The following ANKRD53 variants were observed in gnomAD, a reference collection of about 807,000 sequenced individuals.
ANKRD53 encodes ankyrin repeat domain-containing protein 53.
ANKRD53 carries 27 observed loss-of-function variants against 30.1 expected under a neutral mutation model. The observed-to-expected ratio is 0.90, with a 90% confidence interval of 0.66 to 1.24. The LOEUF (loss-of-function observed/expected upper bound fraction) is 1.24. Among genes scored for constraint, ANKRD53 ranks in the 50% most tolerant of loss-of-function variants. ANKRD53 has a pLI of 0.00. For synonymous variants in ANKRD53, 286 were observed against 295.4 expected, an observed-to-expected ratio of 0.97 and a Z score of 0.33; for missense variants, 682 against 721.0, an observed-to-expected ratio of 0.95 and a Z score of 0.62.
chr2:70,979,800 ACAC>A lies in ANKRD53; in HGVS notation c.562_564del (p.Thr188del). 1 of 1,614,132 alleles carries A rather than the reference ACAC, an allele frequency of 6.2e-7. No homozygotes were observed. The highest frequency in any genetic ancestry group is 1.3e-5 in the African/African-American group (1 of 75,078). On this transcript the variant is annotated inframe_deletion, in exon 3 of 6. Coordinates refer to ENST00000360589, the MANE Select transcript of ANKRD53 (RefSeq NM_001115116.2). ...CTGCACCTCGTCATCCACAGGGACA[ACAC>A]CACCGTGGCCCTCCCCTGCATCTAC...
Position 70,978,693 on chromosome 2 carries a change from G to A in ANKRD53, c.48G>A (p.Trp16Ter). The A allele has an allele frequency of 3.9e-6, 6 of 1,545,264 alleles. No homozygotes were observed. Among genetic ancestry groups the A allele is most frequent in the Non-Finnish European group, 5.2e-6 (6 of 1,145,480 alleles). ...CTCGGCGGGCGGGCTCCGGAAGCTG[G>A]CACTCAGAAAGGGGAGAAGGGAGAG... ...STARRAGSGS[W>*]HSERGEGRGA... Residue 16 changes from tryptophan (W) to a stop codon, truncating the protein, a stop_gained, in exon 1 of 6, where the codon TGG (tryptophan) becomes TGA (stop). Coordinates refer to ENST00000360589, the MANE Select transcript of ANKRD53 (RefSeq NM_001115116.2). LOFTEE classifies it high-confidence loss of function. This position sits in a 1 kb window ranked among gnomAD's most constrained non-coding sequence, Gnocchi z 4.3.
chr2:70,978,619 G>A, upstream of ANKRD53: 2 of 1,506,562 alleles, frequency 1.3e-6, no homozygotes, highest in Non-Finnish European at 1.8e-6. The surrounding 1 kb of genome is among the most constrained non-coding windows in gnomAD (Gnocchi z 4.3). Flanking sequence ...TAGCCCGCCC[G>A]GCCCGGGTCC....
chr2:70,979,036 G>T (rs1669915329), intron 1 of ANKRD53, 61 bp from the exon 2 acceptor site: 2 of 1,482,346 alleles, frequency 1.3e-6, no homozygotes, highest in Admixed American at 4.7e-5. Flanking sequence ...GCCAGGGATC[G>T]CCTCCCGAGA....
Position 70,979,352 on chromosome 2 carries a change from T to G in ANKRD53, c.417+9T>G. 2 of 1,613,344 alleles carry G rather than the reference T, an allele frequency of 1.2e-6. No individual in the cohort carries two copies. Among genetic ancestry groups the G allele is most frequent in the Non-Finnish European group, 1.7e-6 (2 of 1,179,918 alleles). ...TCCCCACCGACGACAAGGTAAGGTC[T>G]TGAGTGTTGGGGCAAAGACCGAGGT... On this transcript the variant is annotated intron_variant, in intron 2 of 5. Transcript: ENST00000360589.
Position 70,985,279 on chromosome 2 carries a change from C to A in ANKRD53, c.1572C>A (p.Pro524=), listed in dbSNP as rs1553424675. 1 of 1,549,272 alleles carries A rather than the reference C, an allele frequency of 6.5e-7. No homozygotes were observed. The change falls in exon 6 of 6, where the codon CCC becomes CCA. Residue 524 remains proline, a synonymous_variant. Coordinates refer to ENST00000360589, the MANE Select transcript of ANKRD53 (RefSeq NM_001115116.2). ...VRSHQGLPTL[P]SPQTNP ...CTCATCAAGGACTCCCCACCCTGCC[C>A]TCCCCACAAACCAACCCATAAAGTT...
rs782484185 is a variant in ANKRD53 at position 70,982,686 on chromosome 2, A to C, written c.892A>C (p.Ile298Leu). ...GACCCTCATGGAGCACAACTACCTG[A>C]TTGAGTATCAAGTAAGGGGGACAGC... ...QLTLMEHNYLIEYQKEHKILR... is the reference protein window; with the variant it reads ...QLTLMEHNYLLEYQKEHKILR... The change falls in exon 5 of 6, where the codon ATT becomes CTT. Residue 298 changes from isoleucine to leucine, a missense_variant. Transcript: ENST00000360589. The surrounding 1 kb of genome is among the most constrained non-coding windows in gnomAD (Gnocchi z 4.2). The C allele has an allele frequency of 6.2e-7, 1 of 1,613,974 alleles. No individual in the cohort carries two copies. The highest frequency in any genetic ancestry group is 8.5e-7 in the Non-Finnish European group (1 of 1,179,952).
At chr2:70,978,602 G>A (rs1455613779), upstream of ANKRD53, 3 of 1,470,384 alleles carry the variant, frequency 2.0e-6, no homozygotes, top group African/African-American at 3.0e-5. The surrounding 1 kb of genome is among the most constrained non-coding windows in gnomAD (Gnocchi z 4.3). Context: ...GCCGGCGGGT[G>A]TGTGAGTAGC....
intron 3 of ANKRD53, 108 bp downstream of exon 3, chr2:70,979,968 G>C (rs1669957297): frequency 7.6e-7 from 1 of 1,309,642 alleles, no homozygotes; most frequent in Non-Finnish European, 1.1e-6. Flanking sequence ...TGCTGGAGGT[G>C]ACAAGGATTG....
intron 3 of ANKRD53, among the ~76,000 whole-genome samples, chr2:70,980,382 T>C (rs1195713819): frequency 6.6e-6 from 1 of 151,372 alleles, no homozygotes; most frequent in South Asian, 2.1e-4. Flanking sequence ...GCTCTGCAAC[T>C]TGCTAGCAGA....
chr2:70,985,229 G>A lies in ANKRD53; in HGVS notation c.1522G>A (p.Glu508Lys), dbSNP rs544056308. 6.4e-7 allele frequency: 1 copy of A among 1,551,446 alleles called. No homozygotes were observed. Among genetic ancestry groups the A allele is most frequent in the African/African-American group, 1.4e-5 (1 of 73,170 alleles). The change falls in exon 6 of 6, where the codon GAA (glutamate) becomes AAA (lysine). Residue 508 changes from glutamate to lysine, a missense_variant. By Grantham distance (56) the Glu-to-Lys change is moderately conservative. Transcript: ENST00000360589. ...LAMNLRDTFD[E>K]AFLAAVRSHQ... Reference sequence around the variant, plus strand: ...CATGAACCTGCGTGACACATTCGATGAAGCCTTCCTGGCAGCTGTGCGATC... The same window carrying A: ...CATGAACCTGCGTGACACATTCGATAAAGCCTTCCTGGCAGCTGTGCGATC...
At chr2:70,979,560 CAG>C in intron 2 of ANKRD53, 99 bp from the exon 3 acceptor site, 1 of 1,426,688 alleles carries the variant, frequency 7.0e-7, no homozygotes, top group Non-Finnish European at 9.5e-7. Context: ...CCTGGGGACA[CAG>C]GGAAGAAAGT....
At position 70,982,034 on chromosome 2, in the gene ANKRD53, C is replaced by T. The variant is rs782371397; in HGVS notation, c.716C>T (p.Ala239Val). Residue 239 changes from alanine (A) to valine (V), a missense_variant, in exon 4 of 6, where the codon GCC becomes GTC. Physicochemically the swap from Ala to Val is moderately conservative, Grantham distance 64 (BLOSUM62 0). Transcript: ENST00000360589. The surrounding 1 kb of genome is among the most constrained non-coding windows in gnomAD (Gnocchi z 4.2). The part of the protein sequence containing the change: ...VLVQSGANVH[A>V]QDAMGYKPID... ...GTGCAGAGTGGCGCCAACGTCCATG[C>T]CCAAGATGCCATGGGCTACAAACCC... 6.2e-7 allele frequency: 1 copy of T among 1,613,758 alleles called. No homozygotes were observed. The highest frequency in any genetic ancestry group is 1.7e-5 in the Admixed American group (1 of 59,964).
Position 70,982,687 on chromosome 2 carries a change from TTGAG to T in ANKRD53, c.895_898del (p.Glu299IlefsTer127), listed in dbSNP as rs1553423856. 8 of 1,613,804 alleles carry T rather than the reference TTGAG, an allele frequency of 5.0e-6. No individual in the cohort carries two copies. The highest frequency in any genetic ancestry group is 4.5e-5 in the East Asian group (2 of 44,862). On this transcript the variant is annotated frameshift_variant, in exon 5 of 6. Transcript: ENST00000360589. LOFTEE classifies it low-confidence loss of function (END_TRUNC). The surrounding 1 kb of genome is among the most constrained non-coding windows in gnomAD (Gnocchi z 4.2). ...ACCCTCATGGAGCACAACTACCTGA[TTGAG>T]TATCAAGTAAGGGGGACAGCAGGGG...
At chr2:70,980,172 G>A (rs1171782407) in intron 3 of ANKRD53, among the ~76,000 whole-genome samples, 3 of 152,224 alleles carry the variant, frequency 2.0e-5, no homozygotes, top group African/African-American at 7.2e-5. Flanking sequence ...AAAATTAGCA[G>A]GGCATGGTGG....
At chr2:70,978,582 G>C, upstream of ANKRD53, 1 of 1,419,346 alleles carries the variant, frequency 7.0e-7, no homozygotes. The surrounding 1 kb of genome is among the most constrained non-coding windows in gnomAD (Gnocchi z 4.3). Flanking sequence ...GTGGCCCCCG[G>C]GGGCGGGGCG....
In ANKRD53 at chr2:70,979,123, A is replaced by T. The variant is rs1669918615; in HGVS notation, c.197A>T (p.His66Leu). The T allele has an allele frequency of 6.2e-7, 1 of 1,600,506 alleles. No homozygotes were observed. Among genetic ancestry groups the T allele is most frequent in the Non-Finnish European group, 8.5e-7 (1 of 1,175,504 alleles). The change falls in exon 2 of 6, where the codon CAC (histidine) becomes CTC (leucine). Residue 66 changes from histidine to leucine, a missense_variant. By Grantham distance (99) the His-to-Leu change is moderately conservative. Coordinates refer to ENST00000360589, the MANE Select transcript of ANKRD53 (RefSeq NM_001115116.2). ...CAGCCCCTGCCCGACCTCGCAGACC[A>T]CCTCAGTGCGCAGGCGACTGCCCTC... ...PSQPLPDLAD[H>L]LSAQATALAR...
rs995832885 is a variant in ANKRD53, at chr2:70,978,827, G to T, written c.170+12G>T. The T allele has an allele frequency of 2.6e-6, 4 of 1,555,350 alleles. No homozygotes were observed. The highest frequency in any genetic ancestry group is 3.5e-6 in the Non-Finnish European group (4 of 1,150,946). On this transcript the variant is annotated intron_variant, in intron 1 of 5. Transcript: ENST00000360589. The surrounding 1 kb of genome is among the most constrained non-coding windows in gnomAD (Gnocchi z 4.3). ...TCCAAGCAGCCCAGGTGGGTAGCGG[G>T]AGAAGGTGTCCCGGCTGCAGGGAGC...
chr2:70,982,293 C>T lies in ANKRD53; in HGVS notation c.782+193C>T. The T allele has an allele frequency of 3.9e-6, 3 of 770,998 alleles. No individual in the cohort carries two copies. The highest frequency in any genetic ancestry group is 6.0e-6 in the Non-Finnish European group (3 of 498,230). The allele number at this position is 770,998 out of a possible 1,614,324, so 47.8% of individuals were successfully genotyped here. ...ACCTGGGCTTGGGGGTAAGTCTGCCCAGGTCCCCTGCTCTCTGGGTTGATC... is the reference window on the plus strand; with the variant it reads ...ACCTGGGCTTGGGGGTAAGTCTGCCTAGGTCCCCTGCTCTCTGGGTTGATC... On this transcript the variant is annotated intron_variant, in intron 4 of 5. Coordinates refer to ENST00000360589, the MANE Select transcript of ANKRD53 (RefSeq NM_001115116.2). This position sits in a 1 kb window ranked among gnomAD's most constrained non-coding sequence, Gnocchi z 4.2.
chr2:70,978,995 CCCCACTGCCCCG>C lies in ANKRD53; in HGVS notation c.171-96_171-85del. 1 of 1,455,442 alleles carries C rather than the reference CCCCACTGCCCCG, an allele frequency of 6.9e-7. No homozygotes were observed. The highest frequency in any genetic ancestry group is 9.0e-7 in the Non-Finnish European group (1 of 1,107,786). 90.2% of individuals were successfully genotyped at this position (1,455,442 alleles called of 1,614,324 possible). A position where few individuals can be genotyped will look rare whatever the true frequency, so the allele number is the denominator to read the frequency against. ...CCTAGGCCGTGGCCCAGAGTCGCTTCCCCACTGCCCCGCCCACCAGCCAGGCGGGGGCCAGGG... is the reference window on the plus strand; with the variant it reads ...CCTAGGCCGTGGCCCAGAGTCGCTTCCCCACCAGCCAGGCGGGGGCCAGGG... On this transcript the variant is annotated intron_variant, in intron 1 of 5. Coordinates refer to ENST00000360589, the MANE Select transcript of ANKRD53 (RefSeq NM_001115116.2). The surrounding 1 kb of genome is among the most constrained non-coding windows in gnomAD (Gnocchi z 4.3).
Sources: gnomAD v4.1 joint callset for allele counts (sites outside exome capture counted in the v4.1 genomes callset) on GRCh38, gnomAD v4.1.1 for gene constraint, Gnocchi (gnomAD v3.1) non-coding constraint, MANE v1.5 for transcripts, NCBI Gene and HGNC (gene_info 2026-07-23, HGNC 2026-07-21) for gene names.